The following CHST11 variants were observed in gnomAD, a reference collection of about 807,000 sequenced individuals.
The protein encoded by CHST11 is C4S-1.
In CHST11, 9 loss-of-function variants were observed where a neutral mutation model predicts 30.4. That is an observed-to-expected ratio of 0.30 (90% CI 0.18 to 0.52). CHST11 has a LOEUF of 0.52. Among genes scored for constraint, CHST11 ranks in the 20% least tolerant of loss-of-function variants. CHST11 has a pLI of 0.97. For missense variants in CHST11, 348 were observed against 460.6 expected, an observed-to-expected ratio of 0.76 and a Z score of 2.24; for synonymous variants, 152 against 187.8, an observed-to-expected ratio of 0.81 and a Z score of 1.56.
intron 2 of CHST11, among the ~76,000 whole-genome samples, chr12:104,629,329 A>G (rs931894891): frequency 2.6e-5 from 4 of 152,182 alleles, no homozygotes; most frequent in Non-Finnish European, 5.9e-5. Flanking sequence ...TGTGAAGCTT[A>G]GGGTCCTTGA....
At chr12:104,497,086 A>G (rs1377441740) in intron 1 of CHST11, among the ~76,000 whole-genome samples, 2 of 152,200 alleles carry the variant, frequency 1.3e-5, no homozygotes, top group Non-Finnish European at 1.5e-5. Flanking sequence ...CGTTCACTTA[A>G]CAGGTGCTAT....
intron 2 of CHST11, among the ~76,000 whole-genome samples, chr12:104,630,100 C>T (rs1442514928): frequency 2.0e-5 from 3 of 152,202 alleles, no homozygotes; most frequent in Non-Finnish European, 2.9e-5. Context: ...AACTCACTTA[C>T]GGATCTTAGT....
intron 2 of CHST11, among the ~76,000 whole-genome samples, chr12:104,656,192 ATGAG>A (rs1369017108): frequency 6.6e-6 from 1 of 152,230 alleles, no homozygotes; most frequent in Admixed American, 6.5e-5. Context: ...AATCAAACAA[ATGAG>A]TGAGGAACAG....
chr12:104,695,570 C>T (rs1349834738), intron 2 of CHST11, among the ~76,000 whole-genome samples: 1 of 152,186 alleles, frequency 6.6e-6, no homozygotes, highest in Admixed American at 6.5e-5. Context: ...GCACAGTTCC[C>T]AGCTGCAAGC....
At chr12:104,590,688 G>A (rs7306538) in intron 1 of CHST11, among the ~76,000 whole-genome samples, 43,040 of 151,964 alleles carry the variant, frequency 0.28, 6,259 homozygotes, top group African/African-American at 0.35. Context: ...TTGGGAGACT[G>A]AGGCGGGCAG....
chr12:104,474,716 A>G (rs1402279774), intron 1 of CHST11, among the ~76,000 whole-genome samples: 1 of 152,184 alleles, frequency 6.6e-6, no homozygotes, highest in African/African-American at 2.4e-5. Flanking sequence ...TCTGTTATAA[A>G]ACTCCAACAA....
At chr12:104,678,204 A>G (rs947321335) in intron 2 of CHST11, among the ~76,000 whole-genome samples, 1 of 152,198 alleles carries the variant, frequency 6.6e-6, no homozygotes, top group Non-Finnish European at 1.5e-5. Flanking sequence ...CTTAGGGCCC[A>G]ATGGAGAAAG....
chr12:104,519,413 C>A (rs1424766413), intron 1 of CHST11, among the ~76,000 whole-genome samples: 1 of 152,148 alleles, frequency 6.6e-6, no homozygotes, highest in East Asian at 1.9e-4. Context: ...AAGGAGGGCA[C>A]AGCATGATAG....
chr12:104,579,941 C>T (rs2038723595), intron 1 of CHST11, among the ~76,000 whole-genome samples: 1 of 152,212 alleles, frequency 6.6e-6, no homozygotes, highest in African/African-American at 2.4e-5. Flanking sequence ...TACTCTCCAC[C>T]AGCTTTGGTC....
At chr12:104,468,941 T>G (rs1454812339) in intron 1 of CHST11, among the ~76,000 whole-genome samples, 1 of 152,148 alleles carries the variant, frequency 6.6e-6, no homozygotes, top group Admixed American at 6.6e-5. Flanking sequence ...GTCCTGCACA[T>G]GTATCCTGGA....
intron 2 of CHST11, among the ~76,000 whole-genome samples, chr12:104,708,427 G>A (rs74320436): frequency 0.064 from 9,767 of 152,222 alleles, 641 homozygotes; most frequent in African/African-American, 0.17. Flanking sequence ...CCAGCTGTAC[G>A]GCATTGGACC....
chr12:104,533,820 A>T (rs1290710048), intron 1 of CHST11, among the ~76,000 whole-genome samples: 1 of 152,224 alleles, frequency 6.6e-6, no homozygotes, highest in Non-Finnish European at 1.5e-5. Flanking sequence ...CAGCCAATGG[A>T]TGTTCAGAGA....
At chr12:104,659,343 C>A (rs1438052312) in intron 2 of CHST11, among the ~76,000 whole-genome samples, 2 of 152,156 alleles carry the variant, frequency 1.3e-5, no homozygotes, top group Non-Finnish European at 2.9e-5. Flanking sequence ...ATGATAATTG[C>A]TCAAGACATA....
At chr12:104,594,222 G>A (rs1226697567) in intron 1 of CHST11, among the ~76,000 whole-genome samples, 4 of 152,056 alleles carry the variant, frequency 2.6e-5, no homozygotes, top group African/African-American at 7.2e-5. Context: ...TGGGACCTCT[G>A]GCCATTCTGT....
chr12:104,473,020 T>G (rs1454264229), intron 1 of CHST11, among the ~76,000 whole-genome samples: 1 of 152,096 alleles, frequency 6.6e-6, no homozygotes, highest in Non-Finnish European at 1.5e-5. Flanking sequence ...CTCTGAATGC[T>G]CTAAAGTTTG....
In CHST11 at chr12:104,623,130, G is replaced by A. The variant is rs143296953; in HGVS notation, c.204+21139G>A. Among the ~76,000 whole-genome samples, 795 of 152,352 alleles carry A rather than the reference G, an allele frequency of 5.2e-3. 4 individuals are homozygous for A. Among genetic ancestry groups the A allele is most frequent in the Non-Finnish European group, 7.1e-3 (486 of 68,034 alleles). Reference sequence around the variant, plus strand: ...CAAGACAATATGTAAATGAATGGGCGTGGCCAGATTTCATCCACAGGGGTT... The same window carrying A: ...CAAGACAATATGTAAATGAATGGGCATGGCCAGATTTCATCCACAGGGGTT... On this transcript the variant is annotated intron_variant, in intron 2 of 2. Coordinates refer to ENST00000303694, the MANE Select transcript of CHST11 (RefSeq NM_018413.6).
chr12:104,755,696 G>A (rs1007160502), intron 2 of CHST11, among the ~76,000 whole-genome samples: 1 of 152,188 alleles, frequency 6.6e-6, no homozygotes, highest in African/African-American at 2.4e-5. Flanking sequence ...TGAGGCAGGA[G>A]AATTGCTTGA....
chr12:104,691,461 G>T (rs1445207670), intron 2 of CHST11, among the ~76,000 whole-genome samples: 3 of 151,806 alleles, frequency 2.0e-5, no homozygotes, highest in African/African-American at 4.8e-5. Context: ...CTGGGGGCGG[G>T]GGGGAAACCA....
At chr12:104,502,764 A>G in intron 1 of CHST11, among the ~76,000 whole-genome samples, 1 of 152,328 alleles carries the variant, frequency 6.6e-6, no homozygotes, top group South Asian at 2.1e-4. Flanking sequence ...TTAACAATGG[A>G]AAGTTATAAA....
Sources: gnomAD v4.1 joint callset for allele counts (sites outside exome capture counted in the v4.1 genomes callset) on GRCh38, gnomAD v4.1.1 for gene constraint, MANE v1.5 for transcripts, NCBI Gene and HGNC (gene_info 2026-07-23, HGNC 2026-07-21) for gene names.